Variants in UBE2O observed in about 807,000 individuals in gnomAD.
UBE2O encodes the protein ubiquitin conjugating enzyme E2 O.
Under a neutral mutation model 125.8 loss-of-function variants are expected in UBE2O, and 15 were observed. That is an observed-to-expected ratio of 0.12 (90% CI 0.08 to 0.18). The LOEUF (loss-of-function observed/expected upper bound fraction) is 0.18. UBE2O is among the 10% of genes least tolerant of loss of function. UBE2O has a pLI of 1.00. For synonymous variants in UBE2O, 708 were observed against 703.2 expected (o/e 1.01, Z -0.11); for missense variants, 1,280 against 1,723.6 (o/e 0.74, Z 4.56).
rs908191710 is a variant in UBE2O, at chr17:76,402,646, G to A, written c.642C>T (p.Tyr214=). The A allele has an allele frequency of 2.7e-5, 44 of 1,613,994 alleles. No homozygotes were observed. In the South Asian group the frequency reaches 4.1e-4, roughly 15 times the overall value. The part of the protein sequence containing the change: ...IAYDCWLGKV[Y]DLKNQIILKL... ...TCAGGATGATCTGGTTCTTCAAGTC[G>A]TAGACCTTCCCCAGCCAGCAGTCAT... is the stretch of plus-strand genomic sequence containing the variant. Residue 214 remains tyrosine (Y), a synonymous_variant, in exon 4 of 18, where the codon TAC becomes TAT. Transcript: ENST00000319380. The surrounding 1 kb of genome is among the most constrained non-coding windows in gnomAD (Gnocchi z 5.4).
chr17:76,399,201 TC>T lies in UBE2O; in HGVS notation c.1629-211del. The T allele has an allele frequency of 1.3e-6, 1 of 755,308 alleles. No individual in the cohort carries two copies. The highest frequency in any genetic ancestry group is 2.1e-6 in the Non-Finnish European group (1 of 477,996). The allele number at this position is 755,308 out of a possible 1,614,324, so 46.8% of individuals were successfully genotyped here. A position where few individuals can be genotyped will look rare whatever the true frequency, so the allele number is the denominator to read the frequency against. ...GAGAACAGGATCCACTTGGGAGAGC[TC>T]AGGCAAATGTGGTTCCAGAAGGCCA... is the stretch of plus-strand genomic sequence containing the variant. On this transcript the variant is annotated intron_variant, in intron 9 of 17. Transcript: ENST00000319380. The surrounding 1 kb of genome is among the most constrained non-coding windows in gnomAD (Gnocchi z 6.9).
intron 1 of UBE2O, among the ~76,000 whole-genome samples, chr17:76,451,782 G>GTT (rs2073249200): frequency 1.0e-5 from 1 of 95,296 alleles, no homozygotes; most frequent in South Asian, 3.3e-4. Context: ...ACAGGGGGGT[G>GTT]TGTGTGTGTG....
chr17:76,415,730 A>G (rs2072590100), intron 1 of UBE2O, among the ~76,000 whole-genome samples: 1 of 151,674 alleles, frequency 6.6e-6, no homozygotes, highest in African/African-American at 2.4e-5. Context: ...GCTTGGACCC[A>G]GGAGGTGGAG....
Position 76,397,824 on chromosome 17 carries a change from T to C in UBE2O, c.2090A>G (p.Asn697Ser), listed in dbSNP as rs547095247. Residue 697 changes from asparagine (N) to serine (S), a missense_variant, in exon 13 of 18, where the codon AAC becomes AGC. Around this residue, in one of 10 missense-constraint regions of UBE2O, gnomAD observed 210 missense variants for 268.9 expected, o/e 0.78. Coordinates refer to ENST00000319380, the MANE Select transcript of UBE2O (RefSeq NM_022066.4). ...SSKVEVVWAD[N>S]SKTIILPQHL... ...CTGGGGCAGGATGATGGTCTTTGAG[T>C]TGTCAGCCCACACCACCTCCACCTT... The C allele has an allele frequency of 1.2e-6, 2 of 1,613,996 alleles. No individual in the cohort carries two copies. The highest frequency in any genetic ancestry group is 1.7e-6 in the Non-Finnish European group (2 of 1,180,020).
chr17:76,399,104 A>G lies in UBE2O; in HGVS notation c.1629-113T>C. On this transcript the variant is annotated intron_variant, in intron 9 of 17. Coordinates refer to ENST00000319380, the MANE Select transcript of UBE2O (RefSeq NM_022066.4). This position sits in a 1 kb window ranked among gnomAD's most constrained non-coding sequence, Gnocchi z 6.9. ...GTGGGCTTGGTAACCTGAAACTCTG[A>G]ATCCCAGGTTGGCAGGATGAGTCTC... The G allele has an allele frequency of 2.9e-6, 4 of 1,385,752 alleles. No homozygotes were observed. In the South Asian group the frequency reaches 5.6e-5, roughly 19 times the overall value. The allele number at this position is 1,385,752 out of a possible 1,614,324, so 85.8% of individuals were successfully genotyped here.
intron 1 of UBE2O, among the ~76,000 whole-genome samples, chr17:76,416,704 T>G (rs1222954371): frequency 1.3e-5 from 2 of 152,170 alleles, no homozygotes; most frequent in Admixed American, 1.3e-4. Context: ...CCAGCTGGCC[T>G]GGAGAGTGGG....
At chr17:76,421,389 C>T (rs1427718735) in intron 1 of UBE2O, among the ~76,000 whole-genome samples, 6 of 146,886 alleles carry the variant, frequency 4.1e-5, no homozygotes, top group African/African-American at 9.8e-5. Context: ...TTTTTTGAGA[C>T]GGAGTTTCGC....
rs148911462 is a variant in UBE2O, at chr17:76,445,625, A to G, written c.417+7100T>C. Among the ~76,000 whole-genome samples, 384 of 152,378 alleles carry G rather than the reference A, an allele frequency of 2.5e-3. 3 individuals are homozygous for G. Among genetic ancestry groups the G allele is most frequent in the African/African-American group, 8.8e-3 (368 of 41,588 alleles). ...CAAAGCTGACCCAAGGATCCATCCA[A>G]TACAGTCAGCCTGGATTGAAGGACA... is the stretch of plus-strand genomic sequence containing the variant. On this transcript the variant is annotated intron_variant, in intron 1 of 17. Transcript: ENST00000319380.
chr17:76,408,220 C>G (rs1475394614), intron 1 of UBE2O, among the ~76,000 whole-genome samples: 1 of 152,204 alleles, frequency 6.6e-6, no homozygotes, highest in Non-Finnish European at 1.5e-5. Context: ...TCAGTGCCCC[C>G]GTCAGGAAGG....
chr17:76,432,297 C>A (rs2072919055), intron 1 of UBE2O, among the ~76,000 whole-genome samples: 1 of 152,180 alleles, frequency 6.6e-6, no homozygotes, highest in East Asian at 1.9e-4. Flanking sequence ...TGTCAATCCA[C>A]AAATATTTCA....
chr17:76,396,968 CCTCTG>C lies in UBE2O; in HGVS notation c.2116-152_2116-148del, dbSNP rs2072222013. 1.5e-6 allele frequency: 1 copy of C among 679,288 alleles called. No homozygotes were observed. Among genetic ancestry groups the C allele is most frequent in the Non-Finnish European group, 2.4e-6 (1 of 413,768 alleles). The allele number at this position is 679,288 out of a possible 1,614,324, so 42.1% of individuals were successfully genotyped here. A position where few individuals can be genotyped will look rare whatever the true frequency, so the allele number is the denominator to read the frequency against. On this transcript the variant is annotated intron_variant, in intron 13 of 17. Coordinates refer to ENST00000319380, the MANE Select transcript of UBE2O (RefSeq NM_022066.4). The surrounding 1 kb of genome is among the most constrained non-coding windows in gnomAD (Gnocchi z 6.7). ...CAACCTCATTCCACCCTTTCCCTGA[CCTCTG>C]CTCTGGCTTTTGCAGTCCCTAGGTC...
rs188777759 is a variant in UBE2O at position 76,438,002 on chromosome 17, C to T, written c.417+14723G>A. Among the ~76,000 whole-genome samples, 58 of 152,256 alleles carry T rather than the reference C, an allele frequency of 3.8e-4. 1 individual carries two copies. Among genetic ancestry groups the T allele is most frequent in the African/African-American group, 1.4e-3 (57 of 41,534 alleles). ...CATCTAATTTGCAATGTGTTCAAAA[C>T]GGAATCTCCCTCCCCACTCCTCTGT... On this transcript the variant is annotated intron_variant, in intron 1 of 17. Coordinates refer to ENST00000319380, the MANE Select transcript of UBE2O (RefSeq NM_022066.4).
chr17:76,390,713 G>T lies in UBE2O; in HGVS notation c.*230C>A, dbSNP rs909809454. ...AATGGAAAATCGGCAACAGGGTTCC[G>T]ATTTTCTTTGCCACAGGGGACCCGC... On this transcript the variant is annotated 3_prime_UTR_variant, in exon 18 of 18. Coordinates refer to ENST00000319380, the MANE Select transcript of UBE2O (RefSeq NM_022066.4). 2.3e-6 allele frequency: 1 copy of T among 435,902 alleles called. No individual in the cohort carries two copies. Among genetic ancestry groups the T allele is most frequent in the Non-Finnish European group, 4.1e-6 (1 of 246,126 alleles). The allele number at this position is 435,902 out of a possible 1,614,324, so 27.0% of individuals were successfully genotyped here.
In UBE2O at chr17:76,389,508, C is replaced by CAAAAAA. The variant is rs1361682722; in HGVS notation, c.*1434_*1435insTTTTTT. The CAAAAAA allele has an allele frequency of 2.5e-5, 1 of 40,644 alleles. No homozygotes were observed. Among genetic ancestry groups the CAAAAAA allele is most frequent in the African/African-American group, 1.4e-4 (1 of 7,224 alleles). The allele number at this position is 40,644 out of a possible 1,614,324, so 2.5% of individuals were successfully genotyped here. On this transcript the variant is annotated 3_prime_UTR_variant, in exon 18 of 18. Coordinates refer to ENST00000319380, the MANE Select transcript of UBE2O (RefSeq NM_022066.4). Reference sequence around the variant, plus strand: ...TCACCTTGTCTTGCTAATGAGCCAACACAAAAAAAAAAAAAAAAAAAAATG... The same window carrying CAAAAAA: ...TCACCTTGTCTTGCTAATGAGCCAACAAAAAAACAAAAAAAAAAAAAAAAAAAAATG...
chr17:76,403,141 T>C (rs559995300), intron 3 of UBE2O, among the ~76,000 whole-genome samples: 4 of 152,128 alleles, frequency 2.6e-5, no homozygotes, highest in African/African-American at 9.6e-5. Context: ...GCCAAGTCCC[T>C]CATTGTTGGA....
In UBE2O at chr17:76,398,514, C is replaced by T. The variant is rs745832941; in HGVS notation, c.1854G>A (p.Met618Ile). ...QSGDHIGRTC[M>I]VKWFKLRPSG... ...TCGGCCTCAGCTTGAACCACTTCAC[C>T]ATGCAGGTACGGCCGATGTGGTCCC... Residue 618 changes from methionine to isoleucine, a missense_variant, in exon 11 of 18, where the codon ATG becomes ATA. Around this residue, in one of 10 missense-constraint regions of UBE2O, gnomAD observed 145 missense variants for 219.6 expected, o/e 0.66. Transcript: ENST00000319380. This position sits in a 1 kb window ranked among gnomAD's most constrained non-coding sequence, Gnocchi z 5.4. 5.6e-6 allele frequency: 9 copies of T among 1,614,034 alleles called. No individual in the cohort carries two copies. The highest frequency in any genetic ancestry group is 8.5e-7 in the Non-Finnish European group (1 of 1,180,040).
At position 76,400,330 on chromosome 17, in the gene UBE2O, T is replaced by C; in HGVS notation, c.1005-33A>G. ...GGGAAGAAGTGGGGGTGAGCTGGGC[T>C]GGACTCCTGGGAGGCCAGCAGTGTT... On this transcript the variant is annotated intron_variant, in intron 7 of 17. Transcript: ENST00000319380. The surrounding 1 kb of genome is among the most constrained non-coding windows in gnomAD (Gnocchi z 4.3). 6.2e-7 allele frequency: 1 copy of C among 1,609,550 alleles called. No homozygotes were observed. Among genetic ancestry groups the C allele is most frequent in the Non-Finnish European group, 8.5e-7 (1 of 1,176,932 alleles).
At chr17:76,418,476 T>A (rs79094923) in intron 1 of UBE2O, among the ~76,000 whole-genome samples, 2,278 of 152,168 alleles carry the variant, frequency 0.015, 61 homozygotes, top group African/African-American at 0.051. Context: ...TTGGAGGAAG[T>A]TTAGATATTC....
chr17:76,408,420 A>G (rs1033771910), intron 1 of UBE2O, among the ~76,000 whole-genome samples: 1 of 152,194 alleles, frequency 6.6e-6, no homozygotes, highest in African/African-American at 2.4e-5. Flanking sequence ...AGAGAAAATA[A>G]GCAACTCATT....
Sources: allele counts gnomAD v4.1 joint callset (sites outside exome capture counted in the v4.1 genomes callset), GRCh38; gene constraint gnomAD v4.1.1; regional missense constraint gnomAD v4.1.1; non-coding constraint Gnocchi (gnomAD v3.1); transcripts MANE v1.5; gene names NCBI Gene and HGNC (gene_info 2026-07-23, HGNC 2026-07-21).